Variants in FTO observed in about 807,000 individuals in gnomAD.
The protein encoded by FTO is alpha-ketoglutarate-dependent dioxygenase FTO.
Under a neutral mutation model 63.9 loss-of-function variants are expected in FTO, and 47 were observed. That is an observed-to-expected ratio of 0.74 (90% CI 0.58 to 0.94). The LOEUF (loss-of-function observed/expected upper bound fraction) is 0.94. FTO is among the 40% of genes least tolerant of loss of function. The pLI, the probability that FTO is intolerant of heterozygous loss-of-function variation, is 0.00. For synonymous variants in FTO, 207 were observed against 224.4 expected, an observed-to-expected ratio of 0.92 and a Z score of 0.69; for missense variants, 562 against 618.1, an observed-to-expected ratio of 0.91 and a Z score of 0.96.
chr16:53,885,371 A>G (rs938061371), intron 6 of FTO, among the ~76,000 whole-genome samples: 2 of 152,096 alleles, frequency 1.3e-5, no homozygotes, highest in African/African-American at 4.8e-5. Flanking sequence ...TGAAATGAAA[A>G]AGTCAGGTCA....
At chr16:54,096,158 T>A (rs708248) in intron 8 of FTO, among the ~76,000 whole-genome samples, 14,570 of 152,254 alleles carry the variant, frequency 0.096, 2,043 homozygotes, top group African/African-American at 0.3. Flanking sequence ...CTTCTGCCCA[T>A]ATCCTGGCTT....
At chr16:53,711,839 C>A (rs541966296) in intron 1 of FTO, among the ~76,000 whole-genome samples, 11 of 152,220 alleles carry the variant, frequency 7.2e-5, no homozygotes, top group African/African-American at 2.4e-4. Context: ...GAATATGTAA[C>A]CTACCGTTTT....
chr16:53,863,736 C>T (rs1052766583), intron 4 of FTO, among the ~76,000 whole-genome samples: 7 of 152,212 alleles, frequency 4.6e-5, no homozygotes, highest in Non-Finnish European at 2.9e-5. Flanking sequence ...TCTGAGTGCC[C>T]TGTAAGCTTC....
At chr16:53,809,468 A>T (rs1436050660) in intron 1 of FTO, among the ~76,000 whole-genome samples, 4 of 152,188 alleles carry the variant, frequency 2.6e-5, no homozygotes, top group African/African-American at 9.7e-5. Context: ...TCTCAAGCAG[A>T]TTATACAGAC....
At chr16:54,080,418 C>T (rs1420894544) in intron 8 of FTO, among the ~76,000 whole-genome samples, 1 of 152,186 alleles carries the variant, frequency 6.6e-6, no homozygotes, top group African/African-American at 2.4e-5. Flanking sequence ...TGAGTCCTTA[C>T]AGTAGCTCTA....
intron 8 of FTO, among the ~76,000 whole-genome samples, chr16:54,092,501 G>T (rs1326939178): frequency 1.3e-5 from 2 of 152,112 alleles, no homozygotes; most frequent in East Asian, 3.9e-4. Flanking sequence ...AGCAAGTCAT[G>T]GCTGTCCAAA....
intron 8 of FTO, among the ~76,000 whole-genome samples, chr16:54,026,015 G>GA (rs35029210): frequency 0.34 from 51,489 of 151,206 alleles, 9,680 homozygotes; most frequent in East Asian, 0.47. Context: ...CTGGCTCAAA[G>GA]AAAAAAAAAT....
rs1333323266 is a variant in FTO, at chr16:54,119,624, T to C, written c.*7709T>C. 1 of 152,242 alleles carries C rather than the reference T, an allele frequency of 6.6e-6. No individual in the cohort carries two copies. Among genetic ancestry groups the C allele is most frequent in the Non-Finnish European group, 1.5e-5 (1 of 68,048 alleles). The allele number at this position is 152,242 out of a possible 1,614,324, so 9.4% of individuals were successfully genotyped here. On this transcript the variant is annotated 3_prime_UTR_variant, in exon 9 of 9. Transcript: ENST00000471389. ...CCATGTTTACCATGGACGTTTAGTT[T>C]TCTTTTCTCAAAATCAAAACAGAGT...
At chr16:53,841,894 T>G (rs2079488979) in intron 3 of FTO, among the ~76,000 whole-genome samples, 1 of 152,224 alleles carries the variant, frequency 6.6e-6, no homozygotes, top group African/African-American at 2.4e-5. Flanking sequence ...CGTTTGACCT[T>G]CTCTAAGAGT....
intron 7 of FTO, among the ~76,000 whole-genome samples, chr16:53,926,901 G>A (rs533917288): frequency 3.8e-4 from 58 of 151,812 alleles, no homozygotes; most frequent in African/African-American, 1.3e-3. Flanking sequence ...GCCAATAACC[G>A]AAGCATATAT....
intron 8 of FTO, among the ~76,000 whole-genome samples, chr16:54,007,946 A>T (rs1225350806): frequency 6.6e-6 from 1 of 152,250 alleles, no homozygotes; most frequent in Non-Finnish European, 1.5e-5. Flanking sequence ...TCATCTGATT[A>T]CTTTATTGTC....
chr16:53,779,067 G>T (rs1014075599), intron 1 of FTO, among the ~76,000 whole-genome samples: 1 of 152,032 alleles, frequency 6.6e-6, no homozygotes, highest in African/African-American at 2.4e-5. Context: ...GCCTTTGATT[G>T]CTTTATTTGT....
upstream of FTO, chr16:53,704,078 A>G (rs1310197050): frequency 1.7e-6 from 2 of 1,174,306 alleles, no homozygotes; most frequent in Admixed American, 2.0e-5. Context: ...CAGAGGGAGA[A>G]TAGCTCCAGA....
intron 1 of FTO, among the ~76,000 whole-genome samples, chr16:53,747,663 T>C (rs1001439197): frequency 6.6e-6 from 1 of 152,248 alleles, no homozygotes; most frequent in Non-Finnish European, 1.5e-5. Context: ...AGAAGCTTTT[T>C]ATTTTGATGT....
intron 1 of FTO, among the ~76,000 whole-genome samples, chr16:53,729,007 G>A (rs1001335152): frequency 2.7e-5 from 4 of 150,736 alleles, no homozygotes; most frequent in African/African-American, 7.3e-5. Flanking sequence ...CAAGTGATCC[G>A]CCCACCTTGG....
chr16:53,783,787 C>G (rs1313602143), intron 1 of FTO, among the ~76,000 whole-genome samples: 1 of 149,572 alleles, frequency 6.7e-6, no homozygotes, highest in Non-Finnish European at 1.5e-5. Context: ...GACTTTGTCT[C>G]GGAAAAAAAA....
chr16:53,908,573 T>C (rs747600861), intron 7 of FTO, among the ~76,000 whole-genome samples: 5 of 152,220 alleles, frequency 3.3e-5, no homozygotes, highest in Non-Finnish European at 7.4e-5. Context: ...CTCTTTGATA[T>C]TGCCCTGTGC....
chr16:53,949,860 A>G (rs1441567035), intron 8 of FTO, among the ~76,000 whole-genome samples: 3 of 152,200 alleles, frequency 2.0e-5, no homozygotes, highest in Admixed American at 6.5e-5. Context: ...GAAGAGGAAA[A>G]TTAAGTGGCA....
chr16:54,110,765 G>C (rs1438530808), intron 8 of FTO, among the ~76,000 whole-genome samples: 1 of 152,200 alleles, frequency 6.6e-6, no homozygotes, highest in Admixed American at 6.5e-5. Flanking sequence ...CGGGGGTGGA[G>C]GGAGGCACAT....
Sources: gnomAD v4.1 joint callset for allele counts (sites outside exome capture counted in the v4.1 genomes callset) on GRCh38, gnomAD v4.1.1 for gene constraint, MANE v1.5 for transcripts, NCBI Gene and HGNC (gene_info 2026-07-23, HGNC 2026-07-21) for gene names.